EYS: variants seen among roughly 807,000 people sequenced by gnomAD.
The protein encoded by EYS is EGF-like photoreceptor maintenance factor, also known as protein eyes shut homolog.
A neutral mutation model predicts 282.1 loss-of-function variants in EYS; 250 were observed. That is an observed-to-expected ratio of 0.89 (90% confidence interval 0.80 to 0.98). The LOEUF (loss-of-function observed/expected upper bound fraction) is 0.98. EYS is among the 50% of genes least tolerant of loss of function. The pLI, the probability that EYS is intolerant of heterozygous loss-of-function variation, is 0.00. For missense variants in EYS, 4,016 were observed against 3,709.0 expected (o/e 1.08, Z -2.15); for synonymous variants, 1,355 against 1,282.9 (o/e 1.06, Z -1.20).
chr6:65,238,040 G>A (rs2150273530), intron 12 of EYS, among the ~76,000 whole-genome samples: 1 of 151,840 alleles, frequency 6.6e-6, no homozygotes, highest in East Asian at 1.9e-4. Context: ...TCATAGTAAT[G>A]GCTTTAGGTA....
intron 2 of EYS, among the ~76,000 whole-genome samples, chr6:65,599,168 T>C (rs1409650592): frequency 1.3e-5 from 2 of 152,042 alleles, no homozygotes; most frequent in African/African-American, 4.8e-5. Context: ...TTCTATCTGA[T>C]TTTGGCAGAT....
intron 12 of EYS, among the ~76,000 whole-genome samples, chr6:65,145,433 G>A (rs953196607): frequency 6.6e-6 from 1 of 151,264 alleles, no homozygotes; most frequent in Admixed American, 6.6e-5. Flanking sequence ...TTAGGTATTT[G>A]TGTCTAAAAG....
Position 64,230,829 on chromosome 6 carries a change from G to A in EYS, c.6192-5C>T. On this transcript the variant is annotated splice_region_variant and splice_polypyrimidine_tract_variant and intron_variant, in intron 30 of 42. Transcript: ENST00000503581. Reference sequence around the variant, plus strand: ...GACAGCATAAATCCCTGGGATCTGTGATTTATAAACAGACAAGAAAACAAA... The same window carrying A: ...GACAGCATAAATCCCTGGGATCTGTAATTTATAAACAGACAAGAAAACAAA... 6.6e-7 allele frequency: 1 copy of A among 1,518,650 alleles called. No homozygotes were observed. The highest frequency in any genetic ancestry group is 8.9e-7 in the Non-Finnish European group (1 of 1,120,546). 94.1% of individuals were successfully genotyped at this position (1,518,650 alleles called of 1,614,324 possible). A position where few individuals can be genotyped will look rare whatever the true frequency, so the allele number is the denominator to read the frequency against.
At chr6:65,246,024 T>C (rs77764094) in intron 12 of EYS, among the ~76,000 whole-genome samples, 4,652 of 152,204 alleles carry the variant, frequency 0.031, 106 homozygotes, top group Middle Eastern at 0.068. Flanking sequence ...TATTTCTCCC[T>C]AGTACAGTAG....
At chr6:63,994,191 C>T (rs1042046303) in intron 34 of EYS, among the ~76,000 whole-genome samples, 23 of 151,940 alleles carry the variant, frequency 1.5e-4, no homozygotes, top group South Asian at 1.2e-3. Context: ...CTGAAGATGT[C>T]GTTAAATGTA....
intron 29 of EYS, among the ~76,000 whole-genome samples, chr6:64,338,003 A>G (rs541176291): frequency 1.3e-5 from 2 of 152,204 alleles, no homozygotes; most frequent in African/African-American, 4.8e-5. Flanking sequence ...GCCATTTATG[A>G]CAAACCCACA....
intron 15 of EYS, among the ~76,000 whole-genome samples, chr6:64,915,537 A>G (rs554963360): frequency 8.2e-4 from 125 of 152,250 alleles, no homozygotes; most frequent in Non-Finnish European, 1.3e-3. Context: ...TGATGAATAA[A>G]AAGTATATAT....
intron 12 of EYS, among the ~76,000 whole-genome samples, chr6:65,276,004 C>CAAAT (rs1768036796): frequency 6.6e-6 from 1 of 152,034 alleles, no homozygotes; most frequent in South Asian, 2.1e-4. Flanking sequence ...AACAAACAAA[C>CAAAT]AAACAAACAA....
At chr6:64,191,825 G>A (rs1367002153) in intron 31 of EYS, among the ~76,000 whole-genome samples, 112 of 147,230 alleles carry the variant, frequency 7.6e-4, no homozygotes, top group South Asian at 2.1e-3. Context: ...ATGATTTATA[G>A]TCCTTTGGGT....
intron 35 of EYS, among the ~76,000 whole-genome samples, chr6:63,889,335 A>C (rs561723246): frequency 6.6e-6 from 1 of 152,304 alleles, no homozygotes; most frequent in East Asian, 1.9e-4. Context: ...AGATTCACCA[A>C]GGTAGAAATA....
At chr6:65,635,396 G>A (rs4621617) in intron 2 of EYS, among the ~76,000 whole-genome samples, 53,347 of 151,936 alleles carry the variant, frequency 0.35, 11,777 homozygotes, top group Non-Finnish European at 0.49. Context: ...TAACCACCCC[G>A]CCCCATCTTG....
chr6:65,227,937 T>TTTAGTG (rs1476508365), intron 12 of EYS, among the ~76,000 whole-genome samples: 1 of 152,040 alleles, frequency 6.6e-6, no homozygotes, highest in Non-Finnish European at 1.5e-5. Flanking sequence ...GCGACTATTG[T>TTTAGTG]TTAGTGGGTA....
intron 5 of EYS, among the ~76,000 whole-genome samples, chr6:65,474,037 C>A (rs565176843): frequency 6.6e-6 from 1 of 151,744 alleles, no homozygotes; most frequent in Non-Finnish European, 1.5e-5. Context: ...TTTAAAATAC[C>A]GATGACAAGT....
rs180824140 is a variant in EYS at position 64,254,780 on chromosome 6, T to C, written c.6192-23956A>G. ...GCATTATTGTAACATGATGTGCATC[T>C]GTTTCCTGTTTGGATCCTGACTAAT... On this transcript the variant is annotated intron_variant, in intron 30 of 42. Transcript: ENST00000503581. Among the ~76,000 whole-genome samples the C allele has an allele frequency of 1.0e-3, 152 of 152,270 alleles. No homozygotes were observed. The Middle Eastern group carries it at 0.014, about 14-fold the overall frequency.
chr6:63,956,327 C>T (rs980607918), intron 35 of EYS, among the ~76,000 whole-genome samples: 7 of 152,132 alleles, frequency 4.6e-5, no homozygotes, highest in Non-Finnish European at 1.0e-4. Context: ...CTTGTGACCA[C>T]CGCCCCTGCC....
intron 26 of EYS, among the ~76,000 whole-genome samples, chr6:64,504,668 T>G (rs1298157058): frequency 6.6e-6 from 1 of 152,192 alleles, no homozygotes; most frequent in Non-Finnish European, 1.5e-5. Flanking sequence ...AGGTGTTTCA[T>G]CATAAGTAAA....
At chr6:65,045,644 G>A (rs1340136758) in intron 13 of EYS, among the ~76,000 whole-genome samples, 1 of 151,812 alleles carries the variant, frequency 6.6e-6, no homozygotes, top group African/African-American at 2.4e-5. Context: ...CACCAAAACT[G>A]TTTGTGCCTT....
chr6:65,485,752 C>T (rs149131773), intron 5 of EYS, among the ~76,000 whole-genome samples: 3 of 152,146 alleles, frequency 2.0e-5, no homozygotes, highest in Admixed American at 2.0e-4. Context: ...TTGCAGTGAG[C>T]CGAGATTCAC....
intron 26 of EYS, among the ~76,000 whole-genome samples, chr6:64,498,305 G>A (rs368077110): frequency 7.2e-5 from 11 of 152,160 alleles, no homozygotes; most frequent in African/African-American, 2.6e-4. Context: ...ATAGCTTAGC[G>A]AAGGTAACAA....
Sources: allele counts gnomAD v4.1 joint callset (sites outside exome capture counted in the v4.1 genomes callset), GRCh38; gene constraint gnomAD v4.1.1; transcripts MANE v1.5; gene names NCBI Gene and HGNC (gene_info 2026-07-23, HGNC 2026-07-21).